EXOC6B: variants seen among roughly 807,000 people sequenced by gnomAD.
EXOC6B encodes the protein exocyst complex component 6B.
Under a neutral mutation model 113.5 loss-of-function variants are expected in EXOC6B, and 54 were observed. The ratio of observed to expected loss-of-function variants is 0.48; its 90% confidence interval spans 0.38 to 0.60. EXOC6B has a LOEUF of 0.60. Ranked by LOEUF, EXOC6B falls within the 20% of genes least tolerant of loss-of-function variation. The pLI is 0.00. For synonymous variants in EXOC6B, 357 were observed against 339.0 expected (o/e 1.05, Z -0.58); for missense variants, 797 against 977.5 (o/e 0.82, Z 2.46).
rs111559464 is a variant in EXOC6B, at chr2:72,578,875, G to C, written c.670-3207C>G. Among the ~76,000 whole-genome samples the C allele has an allele frequency of 5.1e-3, 775 of 152,180 alleles. 11 individuals carry two copies. Among genetic ancestry groups the C allele is most frequent in the African/African-American group, 0.017 (716 of 41,534 alleles). ...AACGGCAAGTAACTTTGTATAATTA[G>C]AGTATAGGTTATAAAGGAATAACAG... On this transcript the variant is annotated intron_variant, in intron 6 of 21. Transcript: ENST00000272427.
chr2:72,781,446 T>C (rs1684029163), intron 1 of EXOC6B, among the ~76,000 whole-genome samples: 1 of 152,220 alleles, frequency 6.6e-6, no homozygotes, highest in Non-Finnish European at 1.5e-5. Flanking sequence ...GCCAATTATC[T>C]AGAGTCAGTA....
chr2:72,266,260 G>T (rs1343012585), intron 20 of EXOC6B, among the ~76,000 whole-genome samples: 22 of 149,924 alleles, frequency 1.5e-4, no homozygotes, highest in African/African-American at 4.4e-4. Context: ...TTAGTTTAAT[G>T]AGATCCCATT....
chr2:72,697,112 A>AGATATAGATATG (rs1416038122), intron 6 of EXOC6B, among the ~76,000 whole-genome samples: 1 of 134,706 alleles, frequency 7.4e-6, no homozygotes, highest in Non-Finnish European at 1.6e-5. Context: ...ATACAGATAT[A>AGATATAGATATG]GATATAGATA....
At chr2:72,367,786 T>C (rs1200221187) in intron 19 of EXOC6B, among the ~76,000 whole-genome samples, 1 of 151,990 alleles carries the variant, frequency 6.6e-6, no homozygotes, top group Non-Finnish European at 1.5e-5. Flanking sequence ...TGCCCTGTCA[T>C]AGTGGAGAAA....
chr2:72,246,450 T>C (rs1458469582), intron 20 of EXOC6B, among the ~76,000 whole-genome samples: 1 of 152,026 alleles, frequency 6.6e-6, no homozygotes, highest in East Asian at 1.9e-4. Flanking sequence ...ATTAGATGAC[T>C]GACTTACTGA....
chr2:72,474,558 T>A (rs1447159859), intron 17 of EXOC6B, among the ~76,000 whole-genome samples: 10 of 151,978 alleles, frequency 6.6e-5, no homozygotes, highest in African/African-American at 2.4e-4. Flanking sequence ...ATTTTGAACA[T>A]ATTTTGCATT....
In EXOC6B at chr2:72,770,123, T is replaced by C. The variant is rs79124837; in HGVS notation, c.114-28654A>G. On this transcript the variant is annotated intron_variant, in intron 1 of 21. Transcript: ENST00000272427. ...GAGGAGGAACACAAACCCAACTAGA[T>C]GACAGGGAAAACTTCAATAAAAAAG... Among the ~76,000 whole-genome samples the C allele has an allele frequency of 2.0e-5, 3 of 152,104 alleles. No individual in the cohort carries two copies. In the East Asian group the frequency reaches 5.8e-4, roughly 29 times the overall value.
intron 19 of EXOC6B, among the ~76,000 whole-genome samples, chr2:72,347,203 C>G (rs1346211138): frequency 6.6e-6 from 1 of 152,084 alleles, no homozygotes; most frequent in East Asian, 1.9e-4. Context: ...TCTTTTAGAA[C>G]AAGGCCTCTC....
chr2:72,689,772 T>C (rs1303428989), intron 6 of EXOC6B, among the ~76,000 whole-genome samples: 1 of 152,226 alleles, frequency 6.6e-6, no homozygotes, highest in Non-Finnish European at 1.5e-5. Context: ...AACTTTCCCA[T>C]GAGTCCATAA....
chr2:72,242,544 CAG>C (rs1193593259), intron 20 of EXOC6B, among the ~76,000 whole-genome samples: 5 of 151,660 alleles, frequency 3.3e-5, no homozygotes, highest in Non-Finnish European at 5.9e-5. Context: ...TCACAGAGGG[CAG>C]GAAAAGAATG....
chr2:72,695,871 T>C (rs897717828), intron 6 of EXOC6B, among the ~76,000 whole-genome samples: 1 of 152,056 alleles, frequency 6.6e-6, no homozygotes, highest in African/African-American at 2.4e-5. Context: ...GTGGGAAGAG[T>C]GCCATGCTGA....
Position 72,609,430 on chromosome 2 carries a change from G to A in EXOC6B, c.670-33762C>T, listed in dbSNP as rs76416523. On this transcript the variant is annotated intron_variant, in intron 6 of 21. Transcript: ENST00000272427. The stretch of plus-strand genomic sequence containing the variant: ...AATAGAAACTCTAGTACTGAAAAAC[G>A]TAATATCTGAAATAAGGAACTTACT... Among the ~76,000 whole-genome samples the A allele has an allele frequency of 6.6e-5, 10 of 151,680 alleles. No individual in the cohort carries two copies. In the East Asian group the frequency reaches 9.7e-4, roughly 15 times the overall value.
chr2:72,372,496 G>A (rs892299155), intron 19 of EXOC6B, among the ~76,000 whole-genome samples: 1 of 152,128 alleles, frequency 6.6e-6, no homozygotes, highest in Non-Finnish European at 1.5e-5. Context: ...ACAGAATAGA[G>A]AACCCAGAAA....
chr2:72,576,877 ATACATTTC>A (rs1704902322), intron 6 of EXOC6B, among the ~76,000 whole-genome samples: 1 of 152,152 alleles, frequency 6.6e-6, no homozygotes, highest in South Asian at 2.1e-4. Context: ...CTCTGAAAGT[ATACATTTC>A]TTAATCAATA....
At chr2:72,570,783 TCAG>T (rs1704466977) in intron 7 of EXOC6B, among the ~76,000 whole-genome samples, 2 of 152,220 alleles carry the variant, frequency 1.3e-5, no homozygotes, top group Admixed American at 1.3e-4. Flanking sequence ...CTGCTTTATT[TCAG>T]CAGATTTTTT....
intron 13 of EXOC6B, 32 bp downstream of exon 13, chr2:72,498,422 A>C: frequency 6.8e-7 from 1 of 1,472,756 alleles, no homozygotes; most frequent in Non-Finnish European, 9.4e-7. Context: ...GTACATGAAC[A>C]CACACACATA....
intron 19 of EXOC6B, among the ~76,000 whole-genome samples, chr2:72,368,712 A>C (rs1690801880): frequency 1.3e-5 from 2 of 152,234 alleles, no homozygotes; most frequent in Admixed American, 1.3e-4. Flanking sequence ...GGTCCAACAA[A>C]TGCAAATCAA....
intron 19 of EXOC6B, among the ~76,000 whole-genome samples, chr2:72,358,752 G>T (rs1394104558): frequency 6.6e-6 from 1 of 152,054 alleles, no homozygotes; most frequent in Non-Finnish European, 1.5e-5. Context: ...ATTTGTGGTA[G>T]GATGTATGCA....
chr2:72,271,167 T>C (rs1684458471), intron 20 of EXOC6B, among the ~76,000 whole-genome samples: 1 of 152,180 alleles, frequency 6.6e-6, no homozygotes, highest in Non-Finnish European at 1.5e-5. Context: ...GTGACTTGAT[T>C]GGGACCAAGA....
Sources: gnomAD v4.1 joint callset for allele counts (sites outside exome capture counted in the v4.1 genomes callset) on GRCh38, gnomAD v4.1.1 for gene constraint, MANE v1.5 for transcripts, NCBI Gene and HGNC (gene_info 2026-07-23, HGNC 2026-07-21) for gene names.